Variants in SCAMP5 observed in about 807,000 individuals in gnomAD.
SCAMP5 encodes secretory carrier-associated membrane protein 5.
Under a neutral mutation model 28.3 loss-of-function variants are expected in SCAMP5, and 7 were observed. The observed-to-expected ratio is 0.25, with a 90% CI of 0.14 to 0.46. The LOEUF (loss-of-function observed/expected upper bound fraction) is 0.46. Ranked by LOEUF, SCAMP5 falls within the 20% of genes least tolerant of loss-of-function variation. The probability of loss-of-function intolerance (pLI) is 0.99; values close to 1 mark genes in which losing one functional copy is unlikely to be tolerated. For synonymous variants in SCAMP5, 117 were observed against 116.4 expected, an observed-to-expected ratio of 1.00 and a Z score of -0.03; for missense variants, 192 against 312.5, an observed-to-expected ratio of 0.61 and a Z score of 2.91.
intron 1 of SCAMP5, among the ~76,000 whole-genome samples, chr15:75,004,463 C>A (rs1370664203): frequency 6.6e-6 from 1 of 152,192 alleles, no homozygotes; most frequent in Non-Finnish European, 1.5e-5. Context: ...GGCATGGTGG[C>A]TCACGCCTGT....
chr15:75,018,389 C>G lies in SCAMP5; in HGVS notation c.396-29C>G. ...GCTCCTGGGCACCTCTTATCCTGCCCGCAGCCCCACACTGGCCTCTTCCTG... is the reference window on the plus strand; with the variant it reads ...GCTCCTGGGCACCTCTTATCCTGCCGGCAGCCCCACACTGGCCTCTTCCTG... On this transcript the variant is annotated intron_variant, in intron 5 of 6. Coordinates refer to ENST00000425597, the MANE Select transcript of SCAMP5 (RefSeq NM_138967.4). This position sits in a 1 kb window ranked among gnomAD's most constrained non-coding sequence, Gnocchi z 5.6. 1 of 1,459,142 alleles carries G rather than the reference C, an allele frequency of 6.9e-7. No individual in the cohort carries two copies. Among genetic ancestry groups the G allele is most frequent in the Non-Finnish European group, 9.6e-7 (1 of 1,038,874 alleles). 90.4% of individuals were successfully genotyped at this position (1,459,142 alleles called of 1,614,324 possible). A position where few individuals can be genotyped will look rare whatever the true frequency, so the allele number is the denominator to read the frequency against.
Position 75,019,089 on chromosome 15 carries a change from C to G in SCAMP5, c.*106C>G. 1 of 672,632 alleles carries G rather than the reference C, an allele frequency of 1.5e-6. No individual in the cohort carries two copies. The allele number at this position is 672,632 out of a possible 1,614,324, so 41.7% of individuals were successfully genotyped here. On this transcript the variant is annotated 3_prime_UTR_variant, in exon 7 of 7. Transcript: ENST00000425597. ...GCAGGGTTCCCCCTTCCCTTTTCTCCTTCCCTACTTTGTACAAAGGACCAG... is the reference window on the plus strand; with the variant it reads ...GCAGGGTTCCCCCTTCCCTTTTCTCGTTCCCTACTTTGTACAAAGGACCAG...
chr15:75,019,152 AG>A lies in SCAMP5; in HGVS notation c.*170del, dbSNP rs1410071549. On this transcript the variant is annotated 3_prime_UTR_variant, in exon 7 of 7. Transcript: ENST00000425597. ...ATATATATGTATATGTCTGTACCCC[AG>A]CCCCCACCTTTCAGATTCTGCTCTT... is the stretch of plus-strand genomic sequence containing the variant. 1 of 420,914 alleles carries A rather than the reference AG, an allele frequency of 2.4e-6. No individual in the cohort carries two copies. The highest frequency in any genetic ancestry group is 3.8e-5 in the East Asian group (1 of 26,608). 26.1% of individuals were successfully genotyped at this position (420,914 alleles called of 1,614,324 possible). A position where few individuals can be genotyped will look rare whatever the true frequency, so the allele number is the denominator to read the frequency against.
At chr15:75,000,391 A>ATT (rs35154717) in intron 1 of SCAMP5, among the ~76,000 whole-genome samples, 51 of 148,120 alleles carry the variant, frequency 3.4e-4, no homozygotes, top group East Asian at 3.2e-3. Context: ...CTTTAAGGCC[A>ATT]TTTTTTTTTT....
intron 2 of SCAMP5, 133 bp from the exon 3 acceptor site, chr15:75,012,544 G>C (rs868676908): frequency 9.8e-7 from 1 of 1,019,944 alleles, no homozygotes; most frequent in African/African-American, 1.6e-5. Flanking sequence ...AGGTAGGGAC[G>C]GCTGGGTGGG....
At chr15:75,006,813 G>C (rs1362083397) in intron 1 of SCAMP5, among the ~76,000 whole-genome samples, 1 of 151,348 alleles carries the variant, frequency 6.6e-6, no homozygotes, top group African/African-American at 2.4e-5. Flanking sequence ...GTGGTGGCGG[G>C]TGCCTGTAAT....
rs2065815185 is a variant in SCAMP5, at chr15:75,011,903, G to T, written c.7+57G>T. The T allele has an allele frequency of 4.0e-6, 6 of 1,487,062 alleles. No homozygotes were observed. The South Asian group carries it at 6.9e-5, about 17-fold the overall frequency. The allele number at this position is 1,487,062 out of a possible 1,614,324, so 92.1% of individuals were successfully genotyped here. Reference sequence around the variant, plus strand: ...CATGACAGTGAGCATAGCGTGGATGGCCCTCTTCCTGGTTCCCTTATCTCC... The same window carrying T: ...CATGACAGTGAGCATAGCGTGGATGTCCCTCTTCCTGGTTCCCTTATCTCC... On this transcript the variant is annotated intron_variant, in intron 2 of 6. Transcript: ENST00000425597.
chr15:75,008,100 C>A (rs924488483), intron 1 of SCAMP5, among the ~76,000 whole-genome samples: 9 of 149,672 alleles, frequency 6.0e-5, no homozygotes, highest in African/African-American at 2.2e-4. Context: ...TTTTTTTTTT[C>A]TTGTCTGTGA....
At chr15:74,999,743 A>C (rs993504477) in intron 1 of SCAMP5, among the ~76,000 whole-genome samples, 1 of 152,202 alleles carries the variant, frequency 6.6e-6, no homozygotes, top group Non-Finnish European at 1.5e-5. Flanking sequence ...CGGAGGTTGC[A>C]GTGGGCCGAG....
intron 4 of SCAMP5, chr15:75,017,649 C>G (rs2065870428): frequency 3.3e-6 from 2 of 604,756 alleles, no homozygotes; most frequent in Admixed American, 5.8e-5. Context: ...GTGGTCTGTT[C>G]ATGGGAAATC....
At chr15:75,004,959 G>A (rs1024177675) in intron 1 of SCAMP5, among the ~76,000 whole-genome samples, 1 of 152,166 alleles carries the variant, frequency 6.6e-6, no homozygotes, top group African/African-American at 2.4e-5. Context: ...GGCGGATCAC[G>A]AAGTCAAGAG....
At chr15:75,010,142 C>A (rs1183636846) in intron 1 of SCAMP5, among the ~76,000 whole-genome samples, 1 of 152,138 alleles carries the variant, frequency 6.6e-6, no homozygotes, top group African/African-American at 2.4e-5. Context: ...CCTTAACTTG[C>A]CAGTGATTAC....
chr15:74,997,898 A>G (rs1020429327), intron 1 of SCAMP5, among the ~76,000 whole-genome samples: 3 of 152,130 alleles, frequency 2.0e-5, no homozygotes, highest in Non-Finnish European at 2.9e-5. Flanking sequence ...TAGGAGTGGG[A>G]TGAGGGGATT....
rs776632718 is a variant in SCAMP5 at position 75,018,752 on chromosome 15, C to G, written c.514-37C>G. ...ATTTCCTGGATGGGCTGCCTTTTCT[C>G]TTTGATTAACCCTTCTTTACGCTCT... On this transcript the variant is annotated intron_variant, in intron 6 of 6. Transcript: ENST00000425597. The surrounding 1 kb of genome is among the most constrained non-coding windows in gnomAD (Gnocchi z 5.6). 2.6e-6 allele frequency: 4 copies of G among 1,518,952 alleles called. No individual in the cohort carries two copies. In the South Asian group the frequency reaches 4.6e-5, roughly 17 times the overall value. 94.1% of individuals were successfully genotyped at this position (1,518,952 alleles called of 1,614,324 possible). A position where few individuals can be genotyped will look rare whatever the true frequency, so the allele number is the denominator to read the frequency against.
In SCAMP5 at chr15:75,018,894, G is replaced by A. The variant is rs977475548; in HGVS notation, c.619G>A (p.Ala207Thr). Reference sequence around the variant, plus strand: ...ACATGTGCAGCAGGCAGCCCAGAACGCAGCCATGGGGGCAGCCCAGGGTGC... The same window carrying A: ...ACATGTGCAGCAGGCAGCCCAGAACACAGCCATGGGGGCAGCCCAGGGTGC... Reference protein sequence around the residue: ...NPHVQQAAQNAAMGAAQGAMN... With the variant: ...NPHVQQAAQNTAMGAAQGAMN... The change falls in exon 7 of 7, where the codon GCA (alanine) becomes ACA (threonine). Residue 207 changes from alanine to threonine, a missense_variant. By Grantham distance (58) the Ala-to-Thr change is moderately conservative. Coordinates refer to ENST00000425597, the MANE Select transcript of SCAMP5 (RefSeq NM_138967.4). The surrounding 1 kb of genome is among the most constrained non-coding windows in gnomAD (Gnocchi z 5.6). 3.2e-6 allele frequency: 5 copies of A among 1,586,858 alleles called. No individual in the cohort carries two copies. In the African/African-American group the frequency reaches 5.5e-5, roughly 17 times the overall value.
chr15:75,012,052 C>T (rs1370735291), intron 2 of SCAMP5, among the ~76,000 whole-genome samples: 1 of 152,190 alleles, frequency 6.6e-6, no homozygotes, highest in Admixed American at 6.5e-5. Flanking sequence ...ATCTTTGGTC[C>T]TATGGACCAG....
Position 74,995,578 on chromosome 15 carries a change from C to T in SCAMP5, c.-144C>T, listed in dbSNP as rs1009348608. 4.1e-5 allele frequency: 6 copies of T among 147,304 alleles called. No homozygotes were observed. Among genetic ancestry groups the T allele is most frequent in the East Asian group, 2.0e-4 (1 of 5,030 alleles). The allele number at this position is 147,304 out of a possible 1,614,324, so 9.1% of individuals were successfully genotyped here. ...CGCGCGCGCTCCCCGCCCCCAGCCC[C>T]GGAGCGGCTCGCGGCCGGCTCCGCG... On this transcript the variant is annotated 5_prime_UTR_variant, in exon 1 of 7. Coordinates refer to ENST00000425597, the MANE Select transcript of SCAMP5 (RefSeq NM_138967.4).
rs71434247 is a variant in SCAMP5 at position 75,019,117 on chromosome 15, T to TTATA, written c.*148_*151dup. ...CCCTACTTTGTACAAAGGACCAGAG[T>TTATA]TATATATATATATATATGTATATGT... is the stretch of plus-strand genomic sequence containing the variant. On this transcript the variant is annotated 3_prime_UTR_variant, in exon 7 of 7. Transcript: ENST00000425597. 0.018 allele frequency: 8,785 copies of TTATA among 484,936 alleles called. 282 individuals are homozygous for TTATA. The highest frequency in any genetic ancestry group is 0.12 in the East Asian group (3,214 of 26,804). 30.0% of individuals were successfully genotyped at this position (484,936 alleles called of 1,614,324 possible). A position where few individuals can be genotyped will look rare whatever the true frequency, so the allele number is the denominator to read the frequency against.
chr15:75,003,526 G>A (rs2065728593), intron 1 of SCAMP5, among the ~76,000 whole-genome samples: 1 of 152,160 alleles, frequency 6.6e-6, no homozygotes, highest in Non-Finnish European at 1.5e-5. Flanking sequence ...ATAGGGCAAT[G>A]GGCTGGGCAC....
Sources: allele counts gnomAD v4.1 joint callset (sites outside exome capture counted in the v4.1 genomes callset), GRCh38; gene constraint gnomAD v4.1.1; non-coding constraint Gnocchi (gnomAD v3.1); transcripts MANE v1.5; gene names NCBI Gene and HGNC (gene_info 2026-07-23, HGNC 2026-07-21).